CDC14A: variants seen among roughly 807,000 people sequenced by gnomAD.
The protein encoded by CDC14A is dual specificity protein phosphatase CDC14A.
A neutral mutation model predicts 74.4 loss-of-function variants in CDC14A; 53 were observed. That is an observed-to-expected ratio of 0.71 (90% CI 0.57 to 0.89). CDC14A has a LOEUF of 0.89. Ranked by LOEUF, CDC14A falls within the 40% of genes least tolerant of loss-of-function variation. CDC14A has a pLI of 0.00. For synonymous variants in CDC14A, 247 were observed against 258.4 expected, an observed-to-expected ratio of 0.96 and a Z score of 0.43; for missense variants, 646 against 713.7, an observed-to-expected ratio of 0.91 and a Z score of 1.08.
chr1:100,481,750 G>A (rs953523942), intron 10 of CDC14A, among the ~76,000 whole-genome samples: 1 of 152,196 alleles, frequency 6.6e-6, no homozygotes, highest in African/African-American at 2.4e-5. Context: ...TTTTAGCAGA[G>A]GGTCAGTAAA....
chr1:100,357,180 A>G (rs1652031430), intron 2 of CDC14A, among the ~76,000 whole-genome samples: 1 of 152,212 alleles, frequency 6.6e-6, no homozygotes, highest in Admixed American at 6.5e-5. Flanking sequence ...TAGATATCAC[A>G]TACATTTGAG....
chr1:100,405,207 A>G (rs1319085052), intron 4 of CDC14A, among the ~76,000 whole-genome samples: 4 of 151,924 alleles, frequency 2.6e-5, no homozygotes, highest in African/African-American at 9.7e-5. Context: ...CTTCACTGTC[A>G]TTTTCTTACT....
At chr1:100,495,968 G>A (rs1201824264) in intron 12 of CDC14A, 34 bp from the exon 13 acceptor site, 1 of 1,596,308 alleles carries the variant, frequency 6.3e-7, no homozygotes, top group East Asian at 2.2e-5. Context: ...GTGTGCCCTG[G>A]TGATATGTGA....
chr1:100,478,719 A>G (rs1258448217), intron 10 of CDC14A, among the ~76,000 whole-genome samples: 3 of 151,502 alleles, frequency 2.0e-5, no homozygotes, highest in African/African-American at 7.3e-5. Flanking sequence ...TTATGGTTGA[A>G]CTCTTTTTCA....
At chr1:100,373,958 C>G (rs1654859501) in intron 2 of CDC14A, among the ~76,000 whole-genome samples, 2 of 152,200 alleles carry the variant, frequency 1.3e-5, no homozygotes, top group Middle Eastern at 3.4e-3. Context: ...TCCTACCTCC[C>G]CCCACCCCAC....
chr1:100,483,629 A>G (rs1297328405), intron 10 of CDC14A, among the ~76,000 whole-genome samples: 1 of 152,188 alleles, frequency 6.6e-6, no homozygotes, highest in South Asian at 2.1e-4. Context: ...TCAGAATGTC[A>G]TTTTGCTTAC....
rs536155416 is a variant in CDC14A, at chr1:100,476,975, C to T, written c.978-7317C>T. 4.6e-5 allele frequency among the ~76,000 whole-genome samples: 7 copies of T among 152,160 alleles called. No individual in the cohort carries two copies. In the East Asian group the frequency reaches 1.2e-3, roughly 25 times the overall value. ...AGGGGGAGCCATTTAGAGGAGAAGC[C>T]GATGTGATGACTGAAACAGATTGGA... On this transcript the variant is annotated intron_variant, in intron 10 of 15. Coordinates refer to ENST00000336454, the MANE Select transcript of CDC14A (RefSeq NM_003672.4).
At chr1:100,518,205 T>G (rs1402817698) in intron 15 of CDC14A, 46 bp from the exon 16 acceptor site, 2 of 1,516,872 alleles carry the variant, frequency 1.3e-6, no homozygotes, top group Non-Finnish European at 1.8e-6. Context: ...CTAGAAGTTT[T>G]ACATGTGATG....
chr1:100,360,911 A>C (rs1652669046), intron 2 of CDC14A, among the ~76,000 whole-genome samples: 1 of 152,196 alleles, frequency 6.6e-6, no homozygotes, highest in Admixed American at 6.5e-5. Flanking sequence ...GGGCTGCAGG[A>C]GATCCCAGTG....
intron 3 of CDC14A, among the ~76,000 whole-genome samples, chr1:100,385,075 G>GT (rs1340667820): frequency 3.3e-5 from 5 of 152,158 alleles, no homozygotes; most frequent in African/African-American, 9.7e-5. Flanking sequence ...GGGGAAATGT[G>GT]TTTTTTGTAA....
At chr1:100,485,198 G>A (rs923854905) in intron 11 of CDC14A, 43 of 985,242 alleles carry the variant, frequency 4.4e-5, no homozygotes, top group Non-Finnish European at 4.8e-5. Context: ...CACTATTGTA[G>A]AGACAAGAAA....
chr1:100,434,947 A>T (rs549041643), intron 5 of CDC14A, among the ~76,000 whole-genome samples: 1 of 152,232 alleles, frequency 6.6e-6, no homozygotes, highest in Admixed American at 6.5e-5. Context: ...CTCAAAATAC[A>T]TGCCTTTCTA....
intron 15 of CDC14A, among the ~76,000 whole-genome samples, chr1:100,514,166 AATT>A (rs1171985636): frequency 2.7e-5 from 1 of 37,242 alleles, no homozygotes; most frequent in African/African-American, 3.6e-5. Context: ...CAGGTATAAA[AATT>A]ATTTTCACTT....
intron 7 of CDC14A, among the ~76,000 whole-genome samples, chr1:100,449,800 T>G (rs1359702102): frequency 6.6e-6 from 1 of 152,196 alleles, no homozygotes; most frequent in Non-Finnish European, 1.5e-5. Flanking sequence ...AACTAATGAG[T>G]AAATGTGTGA....
At position 100,459,449 on chromosome 1, in the gene CDC14A, G is replaced by T. The variant is rs369233795; in HGVS notation, c.608-3202G>T. On this transcript the variant is annotated intron_variant, in intron 8 of 15. Transcript: ENST00000336454. ...CGTTTATTAGATAGCAGGTATTATG[G>T]TTACATTTTTATCATTAGCTGGCCT... is the stretch of plus-strand genomic sequence containing the variant. 4.3e-4 allele frequency among the ~76,000 whole-genome samples: 66 copies of T among 152,284 alleles called. 1 individual carries two copies. In the South Asian group the frequency reaches 0.014, roughly 32 times the overall value.
intron 13 of CDC14A, among the ~76,000 whole-genome samples, chr1:100,496,691 T>A (rs1192325537): frequency 1.3e-5 from 2 of 152,210 alleles, no homozygotes; most frequent in Non-Finnish European, 2.9e-5. Flanking sequence ...AAAGAGGGCT[T>A]AAGCATCTGG....
At chr1:100,440,110 G>A (rs1664763050) in intron 6 of CDC14A, 112 bp downstream of exon 6, 10 of 753,460 alleles carry the variant, frequency 1.3e-5, no homozygotes, top group Non-Finnish European at 2.0e-5. Flanking sequence ...GAGCCAGTAA[G>A]TAGAAGGCTT....
rs1473604028 is a variant in CDC14A at position 100,352,895 on chromosome 1, G to A, written c.-60G>A. On this transcript the variant is annotated 5_prime_UTR_variant, in exon 1 of 16. Transcript: ENST00000336454. ...GCTCCTGGGCAGTGGGGAAGCCCCC[G>A]GGGGCGAGTGACTTCAGCTGGCCAC... 5 of 1,611,392 alleles carry A rather than the reference G, an allele frequency of 3.1e-6. No individual in the cohort carries two copies. In the African/African-American group the frequency reaches 6.7e-5, roughly 22 times the overall value.
At chr1:100,466,586 G>A (rs1042219475) in intron 9 of CDC14A, among the ~76,000 whole-genome samples, 3 of 152,016 alleles carry the variant, frequency 2.0e-5, no homozygotes, top group African/African-American at 7.2e-5. Flanking sequence ...AAAAGGAAGG[G>A]TTAGCCGGGA....
Sources: allele counts gnomAD v4.1 joint callset (sites outside exome capture counted in the v4.1 genomes callset), GRCh38; gene constraint gnomAD v4.1.1; transcripts MANE v1.5; gene names NCBI Gene and HGNC (gene_info 2026-07-23, HGNC 2026-07-21).